The following EYS variants were observed in gnomAD, a reference collection of about 807,000 sequenced individuals.
EYS encodes EGF-like photoreceptor maintenance factor, also known as protein eyes shut homolog.
In EYS, 250 loss-of-function variants were observed where a neutral mutation model predicts 282.1. The ratio of observed to expected loss-of-function variants is 0.89; its 90% CI spans 0.80 to 0.98. EYS has a LOEUF of 0.98. Among genes scored for constraint, EYS ranks in the 50% least tolerant of loss-of-function variants. The pLI, the probability that EYS is intolerant of heterozygous loss-of-function variation, is 0.00. For missense variants in EYS, 4,016 were observed against 3,709.0 expected (o/e 1.08, Z -2.15); for synonymous variants, 1,355 against 1,282.9 (o/e 1.06, Z -1.20).
chr6:65,673,385 A>G (rs1768466435), intron 1 of EYS, among the ~76,000 whole-genome samples: 1 of 152,056 alleles, frequency 6.6e-6, no homozygotes, highest in Admixed American at 6.6e-5. Flanking sequence ...ATATACAATG[A>G]TTGGTGATGG....
intron 12 of EYS, among the ~76,000 whole-genome samples, chr6:65,187,982 A>G (rs1407558662): frequency 2.6e-5 from 4 of 151,710 alleles, no homozygotes; most frequent in Non-Finnish European, 5.9e-5. Flanking sequence ...ACATTAGAGT[A>G]GCATTCCTTC....
chr6:65,438,181 T>C (rs1387311967), intron 5 of EYS, among the ~76,000 whole-genome samples: 2 of 152,048 alleles, frequency 1.3e-5, no homozygotes, highest in Non-Finnish European at 2.9e-5. Flanking sequence ...ACAAAGGACA[T>C]GAACTCATCC....
intron 26 of EYS, among the ~76,000 whole-genome samples, chr6:64,497,905 C>T (rs766599255): frequency 2.6e-5 from 4 of 152,032 alleles, no homozygotes; most frequent in Non-Finnish European, 5.9e-5. Context: ...TAATGACATG[C>T]ATACAGGCAA....
At chr6:64,992,534 A>G (rs1444134008) in intron 14 of EYS, among the ~76,000 whole-genome samples, 5 of 152,002 alleles carry the variant, frequency 3.3e-5, no homozygotes, top group Admixed American at 2.6e-4. Flanking sequence ...AAGGCTATAT[A>G]TAAGAGCTAA....
chr6:64,440,079 G>T (rs1310021962), intron 26 of EYS, among the ~76,000 whole-genome samples: 1 of 151,424 alleles, frequency 6.6e-6, no homozygotes, highest in Admixed American at 6.6e-5. Flanking sequence ...CTTTCTTCCA[G>T]TTCCTTTCTT....
At chr6:65,347,938 A>G (rs9445510) in intron 9 of EYS, among the ~76,000 whole-genome samples, 102,022 of 151,268 alleles carry the variant, frequency 0.67, 34,495 homozygotes, top group South Asian at 0.72. Flanking sequence ...GAGTTCCATT[A>G]TTTTAATTTT....
chr6:64,428,738 T>C (rs1774490657), intron 28 of EYS, among the ~76,000 whole-genome samples: 1 of 152,178 alleles, frequency 6.6e-6, no homozygotes, highest in Non-Finnish European at 1.5e-5. Flanking sequence ...TATGATATTG[T>C]CTATTTCTAG....
intron 41 of EYS, among the ~76,000 whole-genome samples, chr6:63,746,863 A>T (rs1472494051): frequency 6.6e-6 from 1 of 151,440 alleles, no homozygotes; most frequent in Admixed American, 6.6e-5. Flanking sequence ...CTATTTTGTT[A>T]ATCTTTTCAA....
At chr6:64,261,659 A>G (rs970674230) in intron 30 of EYS, among the ~76,000 whole-genome samples, 3 of 152,044 alleles carry the variant, frequency 2.0e-5, no homozygotes, top group African/African-American at 7.2e-5. Flanking sequence ...TTTTTCTAGG[A>G]CATTTAACTC....
At chr6:64,058,285 A>G (rs1277036351) in intron 33 of EYS, among the ~76,000 whole-genome samples, 1 of 151,426 alleles carries the variant, frequency 6.6e-6, no homozygotes, top group Non-Finnish European at 1.5e-5. Flanking sequence ...AAAAAAAAAT[A>G]GAATGGTCTA....
At chr6:64,909,218 A>C (rs996756116) in intron 16 of EYS, among the ~76,000 whole-genome samples, 1 of 152,178 alleles carries the variant, frequency 6.6e-6, no homozygotes, top group African/African-American at 2.4e-5. Context: ...ATCAGTTAAT[A>C]TTTTTAAAAT....
At chr6:64,957,228 G>A (rs1022894897) in intron 14 of EYS, among the ~76,000 whole-genome samples, 7 of 152,094 alleles carry the variant, frequency 4.6e-5, no homozygotes, top group South Asian at 2.1e-4. Flanking sequence ...GCACAATGGC[G>A]TACTATTGAG....
At chr6:64,729,482 A>G (rs935036531) in intron 22 of EYS, among the ~76,000 whole-genome samples, 3 of 152,106 alleles carry the variant, frequency 2.0e-5, no homozygotes, top group Admixed American at 6.5e-5. Context: ...TCTTTTTTTC[A>G]TAAAAAGGAT....
intron 24 of EYS, among the ~76,000 whole-genome samples, chr6:64,613,028 GT>G (rs1467313716): frequency 6.6e-6 from 1 of 151,984 alleles, no homozygotes; most frequent in Non-Finnish European, 1.5e-5. Flanking sequence ...GTTGTTTCAT[GT>G]TCAATTAAAA....
chr6:64,557,012 G>A (rs943328994), intron 26 of EYS, among the ~76,000 whole-genome samples: 7 of 151,788 alleles, frequency 4.6e-5, no homozygotes, highest in African/African-American at 1.5e-4. Flanking sequence ...ACTACAATAT[G>A]CAATTATTTG....
intron 32 of EYS, among the ~76,000 whole-genome samples, chr6:64,068,603 A>G (rs1295264159): frequency 6.6e-6 from 1 of 152,024 alleles, no homozygotes; most frequent in East Asian, 1.9e-4. Flanking sequence ...ACATGTAAAC[A>G]TGTGTAACAA....
At position 65,137,750 on chromosome 6, in the gene EYS, AAGAG is replaced by A. The variant is rs111401305; in HGVS notation, c.2024-80027_2024-80024del. On this transcript the variant is annotated intron_variant, in intron 12 of 42. Coordinates refer to ENST00000503581, the MANE Select transcript of EYS (RefSeq NM_001142800.2). ...GGAATGGGTGGCATTTGTGTATTGA[AAGAG>A]AGGAAGGAATACAAGAGATATTTAA... is the stretch of plus-strand genomic sequence containing the variant. 4.7e-3 allele frequency among the ~76,000 whole-genome samples: 715 copies of A among 152,220 alleles called. 4 individuals are homozygous for A. The highest frequency in any genetic ancestry group is 0.015 in the African/African-American group (632 of 41,568).
rs1353391110 is a variant in EYS at position 64,796,712 on chromosome 6, G to C, written c.3443+16666C>G. 3.9e-5 allele frequency among the ~76,000 whole-genome samples: 6 copies of C among 152,096 alleles called. No individual in the cohort carries two copies. The East Asian group carries it at 1.2e-3, about 29-fold the overall frequency. ...ACGTTGAGCCAGAAAGAGCAGAACT[G>C]ACTTTCCTCAAATTAATAATGTGGA... On this transcript the variant is annotated intron_variant, in intron 22 of 42. Transcript: ENST00000503581.
chr6:65,439,477 A>T (rs1222121628), intron 5 of EYS, among the ~76,000 whole-genome samples: 1 of 152,130 alleles, frequency 6.6e-6, no homozygotes, highest in Admixed American at 6.6e-5. Flanking sequence ...CGTCCTATCC[A>T]TGAGCATGGA....
Sources: allele counts gnomAD v4.1 joint callset (sites outside exome capture counted in the v4.1 genomes callset), GRCh38; gene constraint gnomAD v4.1.1; transcripts MANE v1.5; gene names NCBI Gene and HGNC (gene_info 2026-07-23, HGNC 2026-07-21).